Variants in PCDHAC1 observed in about 807,000 individuals in gnomAD.
PCDHAC1 encodes the protein protocadherin alpha subfamily C, 1.
In PCDHAC1, 42 loss-of-function variants were observed where a neutral mutation model predicts 60.0. The ratio of observed to expected loss-of-function variants is 0.70; its 90% CI spans 0.55 to 0.90. PCDHAC1 has a LOEUF of 0.90. PCDHAC1 is among the 40% of genes least tolerant of loss of function. The pLI, the probability that PCDHAC1 is intolerant of heterozygous loss-of-function variation, is 0.00. For missense variants in PCDHAC1, 1,160 were observed against 1,222.3 expected, an observed-to-expected ratio of 0.95 and a Z score of 0.76; for synonymous variants, 468 against 499.3, an observed-to-expected ratio of 0.94 and a Z score of 0.84.
rs2098421094 is a variant in PCDHAC1 at position 141,011,574 on chromosome 5, TAAATC to T, written c.*1640_*1644del. ...GAAAGACACAGTAAAATTTCTTTCT[TAAATC>T]AAGATACTGGTGATTCAAGGAATTT... On this transcript the variant is annotated 3_prime_UTR_variant, in exon 4 of 4. Transcript: ENST00000253807. 1.3e-5 allele frequency: 2 copies of T among 153,802 alleles called. No individual in the cohort carries two copies. 9.5% of individuals were successfully genotyped at this position (153,802 alleles called of 1,614,324 possible).
chr5:140,936,760 T>G (rs2091134702), intron 1 of PCDHAC1, among the ~76,000 whole-genome samples: 1 of 152,220 alleles, frequency 6.6e-6, no homozygotes, highest in African/African-American at 2.4e-5. Context: ...TGATATCTAA[T>G]TGTGTAAGTT....
At chr5:140,963,146 T>C (rs1230280019) in intron 1 of PCDHAC1, among the ~76,000 whole-genome samples, 2 of 152,074 alleles carry the variant, frequency 1.3e-5, no homozygotes, top group African/African-American at 4.8e-5. Flanking sequence ...TTTGGATGAA[T>C]TTAAAAATGA....
chr5:140,974,618 T>C (rs781783540), intron 1 of PCDHAC1, among the ~76,000 whole-genome samples: 1 of 152,086 alleles, frequency 6.6e-6, no homozygotes, highest in Non-Finnish European at 1.5e-5. Context: ...TTCAAGCGAT[T>C]CTCCTGCCTC....
At chr5:140,999,766 A>G (rs1417826824) in intron 3 of PCDHAC1, among the ~76,000 whole-genome samples, 2 of 152,180 alleles carry the variant, frequency 1.3e-5, no homozygotes, top group African/African-American at 2.4e-5. Flanking sequence ...TGATGTCTTT[A>G]TACTCTTAAC....
intron 1 of PCDHAC1, chr5:140,967,878 A>G: frequency 6.2e-7 from 1 of 1,614,152 alleles, no homozygotes; most frequent in Non-Finnish European, 8.5e-7. Flanking sequence ...ACGGACCTGT[A>G]TAGCCCAGTG....
intron 3 of PCDHAC1, among the ~76,000 whole-genome samples, chr5:141,001,745 T>A (rs2098035193): frequency 6.6e-6 from 1 of 152,200 alleles, no homozygotes; most frequent in Non-Finnish European, 1.5e-5. Flanking sequence ...CTGGGCTGTT[T>A]CAGTGGTTGA....
At chr5:140,942,467 A>C (rs1428565418) in intron 1 of PCDHAC1, among the ~76,000 whole-genome samples, 1 of 152,142 alleles carries the variant, frequency 6.6e-6, no homozygotes, top group Non-Finnish European at 1.5e-5. Context: ...AATACAATCA[A>C]ATTCAAGCTA....
chr5:140,980,428 G>A (rs868912779), intron 2 of PCDHAC1, among the ~76,000 whole-genome samples: 5 of 152,028 alleles, frequency 3.3e-5, no homozygotes, highest in Admixed American at 2.6e-4. Flanking sequence ...TCAAGAGATC[G>A]AGACCATCCT....
intron 1 of PCDHAC1, among the ~76,000 whole-genome samples, chr5:140,949,692 T>A (rs1563239592): frequency 6.6e-6 from 1 of 151,854 alleles, no homozygotes; most frequent in Non-Finnish European, 1.5e-5. Flanking sequence ...AGCGTATTGT[T>A]GGATCTTGCT....
chr5:140,946,363 A>T (rs2093934761), intron 1 of PCDHAC1, among the ~76,000 whole-genome samples: 1 of 151,892 alleles, frequency 6.6e-6, no homozygotes, highest in African/African-American at 2.4e-5. Flanking sequence ...AGAAAAGGGA[A>T]CTCTTGCACA....
chr5:140,958,810 G>C (rs2095443726), intron 1 of PCDHAC1, among the ~76,000 whole-genome samples: 1 of 151,988 alleles, frequency 6.6e-6, no homozygotes, highest in African/African-American at 2.4e-5. Flanking sequence ...ACACCATTCT[G>C]TTTTAATTTT....
intron 1 of PCDHAC1, chr5:140,967,270 C>G (rs782562333): frequency 6.2e-7 from 1 of 1,613,488 alleles, no homozygotes; most frequent in Non-Finnish European, 8.5e-7. Context: ...CGCGCTTTCA[C>G]ATAGAGAGTG....
Position 141,009,783 on chromosome 5 carries a change from G to C in PCDHAC1, c.2738G>C (p.Arg913Pro). The part of the protein sequence containing the change: ...IPGSPAIISI[R>P]QEPTNSQIDK... The stretch of plus-strand genomic sequence containing the variant: ...GGATCTCCTGCAATCATCTCCATCC[G>C]GCAGGAGCCTACTAACAGCCAAATT... Residue 913 changes from arginine (R) to proline (P), a missense_variant, in exon 4 of 4, where the codon CGG (arginine) becomes CCG (proline). Arg to Pro is a moderately radical substitution (Grantham distance 103). Coordinates refer to ENST00000253807, the MANE Select transcript of PCDHAC1 (RefSeq NM_018898.5). 2 of 1,614,000 alleles carry C rather than the reference G, an allele frequency of 1.2e-6. No homozygotes were observed. The highest frequency in any genetic ancestry group is 1.7e-6 in the Non-Finnish European group (2 of 1,180,008).
At chr5:140,980,684 G>GA (rs782726576) in intron 2 of PCDHAC1, among the ~76,000 whole-genome samples, 3,276 of 145,132 alleles carry the variant, frequency 0.023, 40 homozygotes, top group Middle Eastern at 0.066. Flanking sequence ...TTTTCAAATT[G>GA]AAAAAAAAAA....
intron 3 of PCDHAC1, among the ~76,000 whole-genome samples, chr5:140,998,586 CAG>C (rs1340236276): frequency 1.4e-5 from 2 of 147,292 alleles, no homozygotes; most frequent in African/African-American, 5.1e-5. Context: ...TTTTTTGAGA[CAG>C]AGTTTTGCTC....
intron 1 of PCDHAC1, chr5:140,966,860 T>C (rs1586162562): frequency 3.2e-6 from 5 of 1,577,484 alleles, no homozygotes; most frequent in East Asian, 2.3e-5. Context: ...CCTGCTGCTG[T>C]TGCTGCTGCT....
chr5:140,994,417 T>C (rs1401833924), intron 3 of PCDHAC1, among the ~76,000 whole-genome samples: 1 of 152,078 alleles, frequency 6.6e-6, no homozygotes, highest in East Asian at 1.9e-4. Context: ...ATACTGGATA[T>C]TGAGGCCGGG....
intron 3 of PCDHAC1, among the ~76,000 whole-genome samples, chr5:140,991,228 TGCAGTGGTAAAG>T (rs1452293099): frequency 1.1e-4 from 16 of 152,220 alleles, no homozygotes; most frequent in Non-Finnish European, 2.4e-4. Flanking sequence ...CATTAATAAA[TGCAGTGGTAAAG>T]GCAGTATTTG....
rs1478776734 is a variant in PCDHAC1 at position 141,010,917 on chromosome 5, A to G, written c.*980A>G. ...TACAATTCCCCTAAACTCTCCTCAA[A>G]AGAGAATTCAGTCTACAGCCATTTA... On this transcript the variant is annotated 3_prime_UTR_variant, in exon 4 of 4. Coordinates refer to ENST00000253807, the MANE Select transcript of PCDHAC1 (RefSeq NM_018898.5). The G allele has an allele frequency of 6.5e-6, 1 of 153,776 alleles. No homozygotes were observed. The highest frequency in any genetic ancestry group is 1.5e-5 in the Non-Finnish European group (1 of 68,048). The allele number at this position is 153,776 out of a possible 1,614,324, so 9.5% of individuals were successfully genotyped here.
Sources: allele counts gnomAD v4.1 joint callset (sites outside exome capture counted in the v4.1 genomes callset), GRCh38; gene constraint gnomAD v4.1.1; transcripts MANE v1.5; gene names NCBI Gene and HGNC (gene_info 2026-07-23, HGNC 2026-07-21).